Variants in IL1RAPL1 observed in about 807,000 individuals in gnomAD.
IL1RAPL1 encodes the protein interleukin-1 receptor accessory protein-like 1.
IL1RAPL1 carries 3 observed loss-of-function variants against 48.4 expected under a neutral mutation model. That is an observed-to-expected ratio of 0.06 (90% CI 0.03 to 0.16). The LOEUF (loss-of-function observed/expected upper bound fraction) is 0.16, where lower values mean the gene tolerates loss of function less well. IL1RAPL1 is among the 10% of genes least tolerant of loss of function. The pLI, the probability that IL1RAPL1 is intolerant of heterozygous loss-of-function variation, is 1.00. For synonymous variants in IL1RAPL1, 185 were observed against 187.7 expected, an observed-to-expected ratio of 0.99 and a Z score of 0.12; for missense variants, 349 against 530.6, an observed-to-expected ratio of 0.66 and a Z score of 3.36.
At position 29,351,560 on chromosome X, in the gene IL1RAPL1, C is replaced by T. The variant is rs188628560; in HGVS notation, c.363-44698C>T. ...ATTCCCTTTGCGTTCATTTTCATGCCGAAAGGTTTTCTTTCAATATGAAAT... is the reference window on the plus strand; with the variant it reads ...ATTCCCTTTGCGTTCATTTTCATGCTGAAAGGTTTTCTTTCAATATGAAAT... On this transcript the variant is annotated intron_variant, in intron 3 of 10. Coordinates refer to ENST00000378993, the MANE Select transcript of IL1RAPL1 (RefSeq NM_014271.4). Among the ~76,000 whole-genome samples, 12 of 111,960 alleles carry T rather than the reference C, an allele frequency of 1.1e-4. No homozygotes were observed. In the East Asian group the frequency reaches 1.7e-3, roughly 16 times the overall value.
At chrX:29,076,802 GTCTA>G (rs59044267) in intron 2 of IL1RAPL1, among the ~76,000 whole-genome samples, 176 of 97,269 alleles carry the variant, frequency 1.8e-3, no homozygotes, top group East Asian at 5.4e-3. Context: ...CTGTCTGTCT[GTCTA>G]TCTATCTATC....
chrX:29,614,932 C>G (rs920311694), intron 5 of IL1RAPL1, among the ~76,000 whole-genome samples: 1 of 108,651 alleles, frequency 9.2e-6, no homozygotes, highest in Admixed American at 9.8e-5. Context: ...TGCACTCCAT[C>G]CAGCCTGAGC....
chrX:29,638,468 A>G (rs764015901), intron 5 of IL1RAPL1, among the ~76,000 whole-genome samples: 1 of 111,280 alleles, frequency 9.0e-6, no homozygotes, highest in East Asian at 2.8e-4. Context: ...ACTAGTTGTT[A>G]AGCAAAACTT....
chrX:29,511,002 T>G lies in IL1RAPL1; in HGVS notation c.703+111694T>G, dbSNP rs146786183. Reference sequence around the variant, plus strand: ...AACAGGCATCTGCTGCTTGAACTCCTTCTTTATAGTCGAGTGAGATGATCT... The same window carrying G: ...AACAGGCATCTGCTGCTTGAACTCCGTCTTTATAGTCGAGTGAGATGATCT... On this transcript the variant is annotated intron_variant, in intron 5 of 10. Coordinates refer to ENST00000378993, the MANE Select transcript of IL1RAPL1 (RefSeq NM_014271.4). Among the ~76,000 whole-genome samples the G allele has an allele frequency of 6.4e-3, 714 of 112,069 alleles. 4 individuals are homozygous for G. Among genetic ancestry groups the G allele is most frequent in the Middle Eastern group, 0.028 (6 of 216 alleles).
intron 5 of IL1RAPL1, among the ~76,000 whole-genome samples, chrX:29,418,110 TATATATATATATATA>T (rs1184149896): frequency 1.8e-4 from 8 of 43,477 alleles, no homozygotes; most frequent in East Asian, 1.1e-3. Context: ...TATATATATA[TATATATATATATATA>T]TTTTTTTTTT....
At chrX:29,729,792 G>A (rs1215214097) in intron 6 of IL1RAPL1, among the ~76,000 whole-genome samples, 1 of 111,381 alleles carries the variant, frequency 9.0e-6, no homozygotes, top group Non-Finnish European at 1.9e-5. Context: ...AAACTCCATA[G>A]GCTGGCAGAT....
At chrX:29,711,878 A>G (rs1426595468) in intron 6 of IL1RAPL1, among the ~76,000 whole-genome samples, 1 of 111,499 alleles carries the variant, frequency 9.0e-6, no homozygotes, top group African/African-American at 3.2e-5. Flanking sequence ...ATTATTTATT[A>G]TATCACCTAC....
At chrX:28,688,366 G>A (rs1024510137) in intron 1 of IL1RAPL1, among the ~76,000 whole-genome samples, 5 of 109,304 alleles carry the variant, frequency 4.6e-5, no homozygotes, top group Non-Finnish European at 9.5e-5. Flanking sequence ...GCACCACCGT[G>A]CCCAGTTAAT....
chrX:28,918,772 T>C (rs923639712), intron 2 of IL1RAPL1, among the ~76,000 whole-genome samples: 1 of 111,417 alleles, frequency 9.0e-6, no homozygotes, highest in Non-Finnish European at 1.9e-5. Flanking sequence ...GATTGAAAGC[T>C]CTGAGCTGGG....
chrX:28,681,003 A>G (rs1286401684), intron 1 of IL1RAPL1, among the ~76,000 whole-genome samples: 1 of 111,186 alleles, frequency 9.0e-6, no homozygotes, highest in Non-Finnish European at 1.9e-5. Flanking sequence ...ATTTCTTTGA[A>G]TGTTTGGTAG....
intron 6 of IL1RAPL1, among the ~76,000 whole-genome samples, chrX:29,782,108 A>ATCTG (rs1325366467): frequency 3.8e-5 from 4 of 105,582 alleles, no homozygotes; most frequent in Non-Finnish European, 7.8e-5. Context: ...CTGTCTATCT[A>ATCTG]TCTATCTATC....
Position 29,955,284 on chromosome X carries a change from A to G in IL1RAPL1, c.1555A>G (p.Met519Val). ...TGAATGCAGTGAACTGAGAGGAATT[A>G]TGAACTACCAGGAGGTGGAGGCCCT... is the stretch of plus-strand genomic sequence containing the variant. ...LIECSELRGI[M>V]NYQEVEALKH... Residue 519 changes from methionine to valine, a missense_variant, in exon 11 of 11, where the codon ATG becomes GTG. Coordinates refer to ENST00000378993, the MANE Select transcript of IL1RAPL1 (RefSeq NM_014271.4). The G allele has an allele frequency of 8.3e-7, 1 of 1,211,759 alleles. No homozygotes were observed.
At chrX:29,736,098 A>G (rs752993003) in intron 6 of IL1RAPL1, among the ~76,000 whole-genome samples, 1 of 112,647 alleles carries the variant, frequency 8.9e-6, no homozygotes, top group South Asian at 3.7e-4. Context: ...AGTTGTCCAC[A>G]AAGAAGCAGA....
chrX:28,968,839 G>A (rs180984609), intron 2 of IL1RAPL1, among the ~76,000 whole-genome samples: 33 of 112,652 alleles, frequency 2.9e-4, no homozygotes, highest in Non-Finnish European at 5.3e-4. Context: ...AACAAACCAG[G>A]AACAGTGGTG....
intron 2 of IL1RAPL1, among the ~76,000 whole-genome samples, chrX:29,139,349 T>TAAAAA (rs11453981): frequency 9.5e-6 from 1 of 105,436 alleles, no homozygotes; most frequent in African/African-American, 3.4e-5. Context: ...TGGAAAAGGG[T>TAAAAA]AAAAAAAAAA....
At position 28,587,448 on chromosome X, in the gene IL1RAPL1, T is replaced by C. The variant is rs752740895; in HGVS notation, c.-624T>C. 6 of 106,830 alleles carry C rather than the reference T, an allele frequency of 5.6e-5. No individual in the cohort carries two copies. The highest frequency in any genetic ancestry group is 1.0e-4 in the Admixed American group (1 of 9,577). 8.8% of individuals were successfully genotyped at this position (106,830 alleles called of 1,213,427 possible). ...GTTGTGTGCTTTCACATAGCAGTAC[T>C]GTACAAGGAAAACCCCGTCGGATCT... On this transcript the variant is annotated 5_prime_UTR_variant, in exon 1 of 11. Transcript: ENST00000378993.
intron 2 of IL1RAPL1, among the ~76,000 whole-genome samples, chrX:28,807,691 A>G (rs1331236242): frequency 9.0e-6 from 1 of 111,588 alleles, no homozygotes; most frequent in Admixed American, 9.6e-5. Context: ...CAGGTTCAAT[A>G]TAATTAAGGA....
At chrX:28,731,432 A>T (rs1244966232) in intron 1 of IL1RAPL1, among the ~76,000 whole-genome samples, 1 of 111,759 alleles carries the variant, frequency 8.9e-6, no homozygotes, top group Non-Finnish European at 1.9e-5. Context: ...CCCCACTTTG[A>T]TGGTGAAATC....
rs189650175 is a variant in IL1RAPL1 at position 29,588,955 on chromosome X, A to T, written c.704-79475A>T. Among the ~76,000 whole-genome samples, 24 of 112,010 alleles carry T rather than the reference A, an allele frequency of 2.1e-4. No homozygotes were observed. The East Asian group carries it at 5.1e-3, about 24-fold the overall frequency. On this transcript the variant is annotated intron_variant, in intron 5 of 10. Coordinates refer to ENST00000378993, the MANE Select transcript of IL1RAPL1 (RefSeq NM_014271.4). ...GCTCCAGATCCTACGAGACAGGTAC[A>T]CTGAGGATACCTAGCAGAGTCCAGC...
Sources: allele counts gnomAD v4.1 joint callset (sites outside exome capture counted in the v4.1 genomes callset), GRCh38; gene constraint gnomAD v4.1.1; transcripts MANE v1.5; gene names NCBI Gene and HGNC (gene_info 2026-07-23, HGNC 2026-07-21).